FAM193A: variants seen among roughly 807,000 people sequenced by gnomAD.
FAM193A encodes the protein family with sequence similarity 193 member A.
A neutral mutation model predicts 126.5 loss-of-function variants in FAM193A; 22 were observed. The ratio of observed to expected loss-of-function variants is 0.17; its 90% CI spans 0.12 to 0.25. The LOEUF (loss-of-function observed/expected upper bound fraction) is 0.25, where lower values mean the gene tolerates loss of function less well. Ranked by LOEUF, FAM193A falls within the 10% of genes least tolerant of loss-of-function variation. The pLI is 1.00. For synonymous variants in FAM193A, 761 were observed against 646.8 expected (o/e 1.18, Z -2.68); for missense variants, 1,675 against 1,672.8 (o/e 1.00, Z -0.02).
intron 1 of FAM193A, among the ~76,000 whole-genome samples, chr4:2,567,238 A>T (rs530875063): frequency 7.0e-6 from 1 of 142,786 alleles, no homozygotes; most frequent in Non-Finnish European, 1.5e-5. Context: ...GTGAGCCACC[A>T]CGCCCGGCCT....
intron 5 of FAM193A, among the ~76,000 whole-genome samples, chr4:2,637,561 C>G (rs1459593254): frequency 1.3e-5 from 2 of 152,180 alleles, no homozygotes; most frequent in Non-Finnish European, 2.9e-5. Flanking sequence ...AACCCCCAAA[C>G]CTTTTTTGTA....
chr4:2,724,329 C>G (rs1720492877), intron 20 of FAM193A, among the ~76,000 whole-genome samples: 1 of 152,046 alleles, frequency 6.6e-6, no homozygotes, highest in Non-Finnish European at 1.5e-5. Flanking sequence ...TTTAAATAAC[C>G]TCTAAACTAG....
chr4:2,595,497 T>C (rs1006108992), intron 1 of FAM193A, among the ~76,000 whole-genome samples: 1 of 152,222 alleles, frequency 6.6e-6, no homozygotes, highest in Non-Finnish European at 1.5e-5. Context: ...CCCCACATTG[T>C]AGGACCTATT....
At chr4:2,673,357 G>A (rs1041837677) in intron 13 of FAM193A, among the ~76,000 whole-genome samples, 2 of 152,102 alleles carry the variant, frequency 1.3e-5, no homozygotes, top group Admixed American at 1.3e-4. Context: ...CCCCTCTAGG[G>A]GTCACTGTGA....
chr4:2,610,090 G>A (rs1325297310), intron 2 of FAM193A, among the ~76,000 whole-genome samples: 4 of 151,828 alleles, frequency 2.6e-5, no homozygotes, highest in Non-Finnish European at 5.9e-5. Flanking sequence ...AAATTAGTTG[G>A]GCTTGGTTGC....
chr4:2,669,516 T>C (rs1161024488), intron 12 of FAM193A, among the ~76,000 whole-genome samples: 1 of 152,064 alleles, frequency 6.6e-6, no homozygotes, highest in African/African-American at 2.4e-5. Flanking sequence ...GGCTGAGGCA[T>C]GAGAATTGCT....
chr4:2,622,419 G>A (rs1385281075), intron 2 of FAM193A, among the ~76,000 whole-genome samples: 1 of 152,104 alleles, frequency 6.6e-6, no homozygotes, highest in Non-Finnish European at 1.5e-5. Flanking sequence ...TGGAGAAGGG[G>A]CACTGGAGCG....
At chr4:2,610,883 A>G (rs1218725155) in intron 2 of FAM193A, among the ~76,000 whole-genome samples, 6 of 151,980 alleles carry the variant, frequency 3.9e-5, no homozygotes, top group African/African-American at 1.4e-4. Flanking sequence ...GATTACAGGC[A>G]TGCACCACCA....
At chr4:2,704,590 A>T (rs966786123) in intron 19 of FAM193A, among the ~76,000 whole-genome samples, 3 of 152,164 alleles carry the variant, frequency 2.0e-5, no homozygotes, top group Non-Finnish European at 2.9e-5. Context: ...AAAAATTTTT[A>T]AAAAGGTAAG....
At position 2,565,526 on chromosome 4, in the gene FAM193A, G is replaced by A. The variant is rs546719436; in HGVS notation, c.255+28356G>A. Among the ~76,000 whole-genome samples, 3 of 152,188 alleles carry A rather than the reference G, an allele frequency of 2.0e-5. No individual in the cohort carries two copies. In the South Asian group the frequency reaches 6.2e-4, roughly 32 times the overall value. On this transcript the variant is annotated intron_variant, in intron 1 of 20. Transcript: ENST00000637812. ...CTGCCTCAGCCTCCCAGAGTGCTGG[G>A]ATTACAGGCGTGAGCCACCGTGCTC...
At chr4:2,680,486 A>AT (rs202138597) in intron 13 of FAM193A, among the ~76,000 whole-genome samples, 6 of 148,824 alleles carry the variant, frequency 4.0e-5, no homozygotes, top group Non-Finnish European at 6.0e-5. Flanking sequence ...CTCCCAGCTA[A>AT]TTTTTTTTTT....
In FAM193A at chr4:2,636,566, C is replaced by A. The variant is rs947978424; in HGVS notation, c.1039-3169C>A. Among the ~76,000 whole-genome samples, 3 of 152,208 alleles carry A rather than the reference C, an allele frequency of 2.0e-5. No individual in the cohort carries two copies. In the East Asian group the frequency reaches 5.8e-4, roughly 29 times the overall value. Reference sequence around the variant, plus strand: ...CTACTTATACATGGTTTGCTAGTGTCATTCATAGGTCATTTTGCAAATATT... The same window carrying A: ...CTACTTATACATGGTTTGCTAGTGTAATTCATAGGTCATTTTGCAAATATT... On this transcript the variant is annotated intron_variant, in intron 5 of 20. Coordinates refer to ENST00000637812, the MANE Select transcript of FAM193A (RefSeq NM_001366318.2).
intron 2 of FAM193A, among the ~76,000 whole-genome samples, chr4:2,599,855 C>G (rs1409303965): frequency 6.6e-6 from 1 of 151,934 alleles, no homozygotes; most frequent in African/African-American, 2.4e-5. Flanking sequence ...CGTGCCTCAG[C>G]CTCCCGAGTA....
At chr4:2,558,054 G>T (rs1001103695) in intron 1 of FAM193A, among the ~76,000 whole-genome samples, 3 of 152,010 alleles carry the variant, frequency 2.0e-5, no homozygotes, top group South Asian at 2.1e-4. Context: ...GGGTGGATCA[G>T]TTGAGGCCAG....
intron 1 of FAM193A, among the ~76,000 whole-genome samples, chr4:2,577,466 T>C (rs1739667116): frequency 6.8e-6 from 1 of 147,906 alleles, no homozygotes; most frequent in African/African-American, 2.5e-5. Context: ...TCACTCAAGC[T>C]GGAGTGCACT....
intron 2 of FAM193A, among the ~76,000 whole-genome samples, chr4:2,602,617 T>C (rs773063457): frequency 3.9e-5 from 6 of 152,118 alleles, no homozygotes; most frequent in Non-Finnish European, 5.9e-5. Flanking sequence ...CCTCCCAAAG[T>C]GCTAGGATTA....
At chr4:2,718,565 A>C (rs2109385069) in intron 20 of FAM193A, among the ~76,000 whole-genome samples, 1 of 152,270 alleles carries the variant, frequency 6.6e-6, no homozygotes, top group South Asian at 2.1e-4. Context: ...CTCTACAAAA[A>C]ATACAAAAAA....
At chr4:2,705,162 G>A (rs1013083440) in intron 19 of FAM193A, among the ~76,000 whole-genome samples, 4 of 152,150 alleles carry the variant, frequency 2.6e-5, no homozygotes, top group African/African-American at 7.2e-5. Flanking sequence ...CGCCTGTCTT[G>A]GCCTCCCAAA....
At chr4:2,625,939 G>T (rs1294989573) in intron 3 of FAM193A, among the ~76,000 whole-genome samples, 1 of 152,024 alleles carries the variant, frequency 6.6e-6, no homozygotes, top group Non-Finnish European at 1.5e-5. Context: ...GCCCAGGCTG[G>T]TCTCAAACTC....
Sources: gnomAD v4.1 joint callset for allele counts (sites outside exome capture counted in the v4.1 genomes callset) on GRCh38, gnomAD v4.1.1 for gene constraint, MANE v1.5 for transcripts, NCBI Gene and HGNC (gene_info 2026-07-23, HGNC 2026-07-21) for gene names.